The following PRR35 variants were observed in gnomAD, a reference collection of about 807,000 sequenced individuals.
PRR35 encodes proline rich 35.
Under a neutral mutation model 18.6 loss-of-function variants are expected in PRR35, and 14 were observed. The observed-to-expected ratio is 0.75, with a 90% CI of 0.50 to 1.18. The LOEUF (loss-of-function observed/expected upper bound fraction) is 1.18. Among genes scored for constraint, PRR35 ranks in the 50% most tolerant of loss-of-function variants. The pLI, the probability that PRR35 is intolerant of heterozygous loss-of-function variation, is 0.00. For missense variants in PRR35, 832 were observed against 792.2 expected, an observed-to-expected ratio of 1.05 and a Z score of -0.60; for synonymous variants, 425 against 378.2, an observed-to-expected ratio of 1.12 and a Z score of -1.43.
rs1186836088 is a variant in PRR35, at chr16:564,795, G to C, written c.1204G>C (p.Glu402Gln). The change falls in exon 3 of 3, where the codon GAG (glutamate) becomes CAG (glutamine). Residue 402 changes from glutamate to glutamine, a missense_variant. Transcript: ENST00000409413. ...QPRGPVPGSP[E>Q]HVGEDLTRAL... ...ACGGGGCCCAGTGCCAGGAAGCCCG[G>C]AGCATGTGGGCGAGGACCTGACCCG... The C allele has an allele frequency of 1.3e-6, 2 of 1,553,388 alleles. No individual in the cohort carries two copies. The highest frequency in any genetic ancestry group is 2.4e-5 in the South Asian group (2 of 84,632).
intron 1 of PRR35, among the ~76,000 whole-genome samples, chr16:562,523 GCACACACGTGTGCACACACACGCA>G (rs2035453337): frequency 8.2e-6 from 1 of 122,058 alleles, no homozygotes; most frequent in Non-Finnish European, 1.6e-5. Flanking sequence ...ACACACAGGC[GCACACACGTGTGCACACACACGCA>G]CATGCACGCA....
chr16:561,573 C>G (rs1238757533), intron 1 of PRR35, among the ~76,000 whole-genome samples: 1 of 152,262 alleles, frequency 6.6e-6, no homozygotes, highest in African/African-American at 2.4e-5. Context: ...CGACCGCCAC[C>G]CTGTCTCAGC....
At position 563,252 on chromosome 16, in the gene PRR35, A is replaced by C. The variant is rs747329050; in HGVS notation, c.-39-4A>C. 6.5e-7 allele frequency: 1 copy of C among 1,546,448 alleles called. No homozygotes were observed. On this transcript the variant is annotated splice_polypyrimidine_tract_variant and splice_region_variant and intron_variant, in intron 1 of 2. Coordinates refer to ENST00000409413, the MANE Select transcript of PRR35 (RefSeq NM_145270.3). ...CTTGGCACTGACTGTGGCCCCATCT[A>C]CAGGTGGCCATGGTGCCCGGCCCTG... is the stretch of plus-strand genomic sequence containing the variant.
Position 564,057 on chromosome 16 carries a change from C to T in PRR35, c.763C>T (p.Pro255Ser), listed in dbSNP as rs767822670. The T allele has an allele frequency of 4.5e-6, 7 of 1,553,388 alleles. No individual in the cohort carries two copies. Among genetic ancestry groups the T allele is most frequent in the South Asian group, 3.5e-5 (3 of 85,548 alleles). The change falls in exon 2 of 3, where the codon CCT (proline) becomes TCT (serine). Residue 255 changes from proline to serine, a missense_variant. Physicochemically the swap from Pro to Ser is moderately conservative, Grantham distance 74. Transcript: ENST00000409413. ...CACGGCCTTCCCAGCCGTGCAGCCCCCTCAGCGCCCCACCCCGGCCCCCCG... is the reference window on the plus strand; with the variant it reads ...CACGGCCTTCCCAGCCGTGCAGCCCTCTCAGCGCCCCACCCCGGCCCCCCG... The part of the protein sequence containing the change: ...PATAFPAVQP[P>S]QRPTPAPRLY...
Position 564,110 on chromosome 16 carries a change from C to T in PRR35, c.816C>T (p.His272=), listed in dbSNP as rs563637303. 5.0e-5 allele frequency: 79 copies of T among 1,573,288 alleles called. No individual in the cohort carries two copies. Among genetic ancestry groups the T allele is most frequent in the Non-Finnish European group, 6.3e-5 (74 of 1,167,488 alleles). The part of the protein sequence containing the change: ...PRLYYPLLLE[H]TLGLPAGKAA... ...TGTACTACCCGCTGCTTCTGGAGCA[C>T]ACTCTGGGGCTGCCAGCAGGCAAAG... Residue 272 remains histidine (H), a synonymous_variant, in exon 2 of 3, where the codon CAC becomes CAT. Transcript: ENST00000409413.
chr16:560,245 C>T, upstream of PRR35: 5 of 726,010 alleles, frequency 6.9e-6, no homozygotes, highest in Non-Finnish European at 8.4e-6. Context: ...GGTGAGTGCG[C>T]GCCAGGGGGC....
chr16:562,563 ACGTG>A (rs1567168704), intron 1 of PRR35, among the ~76,000 whole-genome samples: 1 of 150,868 alleles, frequency 6.6e-6, no homozygotes, highest in Non-Finnish European at 1.5e-5. Flanking sequence ...ACGCACACAC[ACGTG>A]CATGCACACG....
upstream of PRR35, chr16:559,883 G>C: frequency 2.2e-6 from 1 of 446,868 alleles, no homozygotes; most frequent in Non-Finnish European, 3.0e-6. Context: ...AGGGAGCCCG[G>C]CTCCGCTGGC....
rs1266966493 is a variant in PRR35 at position 565,036 on chromosome 16, A to G, written c.1445A>G (p.Glu482Gly). 1.3e-6 allele frequency: 2 copies of G among 1,599,576 alleles called. No individual in the cohort carries two copies. Among genetic ancestry groups the G allele is most frequent in the Non-Finnish European group, 1.7e-6 (2 of 1,174,176 alleles). ...GCCAAGGGGCCCCAGGCTCTTGGAG[A>G]GGCGTGGGGGCGGCCCGAGCTGGGT... ...APAKGPQALGEAWGRPELGPV... is the reference protein window; with the variant it reads ...APAKGPQALGGAWGRPELGPV... The change falls in exon 3 of 3, where the codon GAG becomes GGG. Residue 482 changes from glutamate to glycine, a missense_variant. Transcript: ENST00000409413.
At chr16:560,355 G>T, upstream of PRR35, 1 of 980,882 alleles carries the variant, frequency 1.0e-6, no homozygotes, top group South Asian at 4.7e-5. Context: ...GCCCCCCGGA[G>T]CCCGGAGCCC....
At chr16:562,337 CAT>C (rs890004584) in intron 1 of PRR35, among the ~76,000 whole-genome samples, 1 of 152,216 alleles carries the variant, frequency 6.6e-6, no homozygotes, top group Non-Finnish European at 1.5e-5. Context: ...CCTGGCCCCA[CAT>C]GAGACTGACC....
Position 563,705 on chromosome 16 carries a change from C to A in PRR35, c.411C>A (p.Ser137=). ...GGGPKSRAKG[S]PGPPPPVARA... The stretch of plus-strand genomic sequence containing the variant: ...GCCCCAAGTCCAGGGCCAAGGGGTC[C>A]CCAGGGCCACCACCCCCTGTGGCTA... Residue 137 remains serine, a synonymous_variant, in exon 2 of 3, where the codon TCC becomes TCA. Coordinates refer to ENST00000409413, the MANE Select transcript of PRR35 (RefSeq NM_145270.3). 6.5e-7 allele frequency: 1 copy of A among 1,550,166 alleles called. No homozygotes were observed. The highest frequency in any genetic ancestry group is 8.7e-7 in the Non-Finnish European group (1 of 1,152,764).
In PRR35 at chr16:563,996, C is replaced by T. The variant is rs755411065; in HGVS notation, c.702C>T (p.Pro234=). The T allele has an allele frequency of 2.5e-6, 4 of 1,600,906 alleles. No individual in the cohort carries two copies. The highest frequency in any genetic ancestry group is 3.4e-6 in the Non-Finnish European group (4 of 1,175,878). ...GPSLAAAAHV[P]FLASASPLLP... ...CACTGGCCGCTGCAGCCCATGTGCCCTTCCTGGCCTCGGCCAGCCCCCTGC... is the reference window on the plus strand; with the variant it reads ...CACTGGCCGCTGCAGCCCATGTGCCTTTCCTGGCCTCGGCCAGCCCCCTGC... The change falls in exon 2 of 3, where the codon CCC becomes CCT. Residue 234 remains proline (P), a synonymous_variant. Transcript: ENST00000409413.
Position 565,285 on chromosome 16 carries a change from GC to G in PRR35, c.1699del (p.Gln567ArgfsTer74). ...CCTGAGGCTGTCTGTGGCCTGCAGA[GC>G]CCCCAGGGCGCCGAGGTCTGACCTG... is the stretch of plus-strand genomic sequence containing the variant. ...QTPEAVCGLQ[S>X]PQGAEV On this transcript the variant is annotated frameshift_variant, in exon 3 of 3. Coordinates refer to ENST00000409413, the MANE Select transcript of PRR35 (RefSeq NM_145270.3). LOFTEE classifies it high-confidence loss of function. 2 of 1,528,914 alleles carry G rather than the reference GC, an allele frequency of 1.3e-6. No homozygotes were observed. The highest frequency in any genetic ancestry group is 1.8e-6 in the Non-Finnish European group (2 of 1,137,924). 94.7% of individuals were successfully genotyped at this position (1,528,914 alleles called of 1,614,324 possible).
chr16:565,447 G>C lies in PRR35; in HGVS notation c.*140G>C. The C allele has an allele frequency of 1.1e-6, 1 of 871,632 alleles. No homozygotes were observed. Among genetic ancestry groups the C allele is most frequent in the Non-Finnish European group, 1.6e-6 (1 of 623,528 alleles). The allele number at this position is 871,632 out of a possible 1,614,324, so 54.0% of individuals were successfully genotyped here. ...CCCCCACGGGCCGTGGCCAACGCTT[G>C]TCCCTGGGGCCACACAGGGACACTG... On this transcript the variant is annotated 3_prime_UTR_variant, in exon 3 of 3. Transcript: ENST00000409413.
chr16:563,032 GGAC>G (rs1292027160), intron 1 of PRR35, among the ~76,000 whole-genome samples: 2 of 131,876 alleles, frequency 1.5e-5, no homozygotes, highest in Admixed American at 7.2e-5. Context: ...TCGCTGTCCT[GGAC>G]TTTTTTTTTT....
At chr16:560,761 CG>C in intron 1 of PRR35, 100 bp downstream of exon 1, 21 of 615,748 alleles carry the variant, frequency 3.4e-5, no homozygotes, top group East Asian at 1.6e-4. Flanking sequence ...GTGGGGGGCG[CG>C]GGGGGCGGCC....
In PRR35 at chr16:563,491, C is replaced by T. The variant is rs1280256202; in HGVS notation, c.197C>T (p.Ser66Phe). Residue 66 changes from serine (S) to phenylalanine (F), a missense_variant, in exon 2 of 3, where the codon TCC (serine) becomes TTC (phenylalanine). Ser to Phe is a radical substitution (Grantham distance 155, BLOSUM62 -2). Around this residue, in one of 3 missense-constraint regions of PRR35, gnomAD observed 768 missense variants for 704.1 expected, o/e 1.09. Transcript: ENST00000409413. ...TACAGCCTCTGCAAGGACTCCCTGTCCCTGCTGCTAGACTCCCCAGACTGG... is the reference window on the plus strand; with the variant it reads ...TACAGCCTCTGCAAGGACTCCCTGTTCCTGCTGCTAGACTCCCCAGACTGG... ...MKYSLCKDSL[S>F]LLLDSPDWAC... is the part of the protein sequence containing the mutation. 6.2e-7 allele frequency: 1 copy of T among 1,612,450 alleles called. No homozygotes were observed. Among genetic ancestry groups the T allele is most frequent in the South Asian group, 1.1e-5 (1 of 91,078 alleles).
At chr16:560,902 C>T (rs1455207292) in intron 1 of PRR35, among the ~76,000 whole-genome samples, 1 of 149,068 alleles carries the variant, frequency 6.7e-6, no homozygotes, top group African/African-American at 2.5e-5. Context: ...TCGCGCTCGC[C>T]GCACCCGCCT....
Sources: gnomAD v4.1 joint callset for allele counts (sites outside exome capture counted in the v4.1 genomes callset) on GRCh38, gnomAD v4.1.1 for gene constraint, gnomAD v4.1.1 regional missense constraint, MANE v1.5 for transcripts, NCBI Gene and HGNC (gene_info 2026-07-23, HGNC 2026-07-21) for gene names.